Variants in VAMP7 observed in about 807,000 individuals in gnomAD.
The protein encoded by VAMP7 is vesicle-associated membrane protein 7.
A neutral mutation model predicts 29.6 loss-of-function variants in VAMP7; 14 were observed. The ratio of observed to expected loss-of-function variants is 0.47; its 90% CI spans 0.31 to 0.74. The LOEUF is 0.74. Ranked by LOEUF, VAMP7 falls within the 30% of genes least tolerant of loss-of-function variation. VAMP7 has a pLI of 0.05. For synonymous variants in VAMP7, 95 were observed against 88.1 expected (o/e 1.08, Z -0.44); for missense variants, 223 against 262.4 (o/e 0.85, Z 1.04).
chrX:155,933,153 T>G (rs1236197518), intron 6 of VAMP7, among the ~76,000 whole-genome samples: 1 of 152,144 alleles, frequency 6.6e-6, no homozygotes, highest in Non-Finnish European at 1.5e-5. Context: ...GGGATATTGG[T>G]CTAAAATTCT....
intron 3 of VAMP7, among the ~76,000 whole-genome samples, chrX:155,896,707 T>C (rs1295764339): frequency 6.6e-6 from 1 of 152,124 alleles, no homozygotes; most frequent in Non-Finnish European, 1.5e-5. Context: ...CTCCCCCTGC[T>C]TTCAAAGTGA....
rs775701374 is a variant in VAMP7 at position 155,922,849 on chromosome X, C to T, written c.501+2969C>T. Among the ~76,000 whole-genome samples the T allele has an allele frequency of 3.4e-4, 52 of 152,118 alleles. 1 individual carries two copies. Among genetic ancestry groups the T allele is most frequent in the Non-Finnish European group, 7.2e-4 (49 of 67,908 alleles). ...CGTTGGAAAATTTAAAATCTGCCAT[C>T]TTGCTGTTTGTTTCCTATTTATACC... On this transcript the variant is annotated intron_variant, in intron 6 of 7. Transcript: ENST00000286448.
Position 155,942,429 on chromosome X carries a change from G to T in VAMP7, c.*478G>T. ...AAATGGATAATAGTTGTTATTTGGGGAATTGTAATGATGTTGGTGCTGCTT... is the reference window on the plus strand; with the variant it reads ...AAATGGATAATAGTTGTTATTTGGGTAATTGTAATGATGTTGGTGCTGCTT... On this transcript the variant is annotated 3_prime_UTR_variant, in exon 8 of 8. Coordinates refer to ENST00000286448, the MANE Select transcript of VAMP7 (RefSeq NM_005638.6). The T allele has an allele frequency of 2.6e-6, 1 of 381,466 alleles. No individual in the cohort carries two copies. The highest frequency in any genetic ancestry group is 5.0e-5 in the South Asian group (1 of 19,984). The allele number at this position is 381,466 out of a possible 1,614,324, so 23.6% of individuals were successfully genotyped here.
At chrX:155,938,167 T>A (rs890283537) in intron 6 of VAMP7, among the ~76,000 whole-genome samples, 1 of 152,206 alleles carries the variant, frequency 6.6e-6, no homozygotes, top group South Asian at 2.1e-4. Context: ...ATATTAACTT[T>A]GTTCCATTAA....
At chrX:155,927,602 T>C in intron 6 of VAMP7, among the ~76,000 whole-genome samples, 1 of 151,754 alleles carries the variant, frequency 6.6e-6, no homozygotes, top group East Asian at 1.9e-4. Flanking sequence ...TCTGTTTCAG[T>C]GTACGATTTT....
chrX:155,905,836 A>G (rs1006011856), intron 5 of VAMP7, among the ~76,000 whole-genome samples: 3 of 152,154 alleles, frequency 2.0e-5, no homozygotes, highest in Non-Finnish European at 2.9e-5. Context: ...TCATCTTCCA[A>G]CTTTATTCTT....
chrX:155,924,651 T>C (rs1476622848), intron 6 of VAMP7, among the ~76,000 whole-genome samples: 1 of 152,226 alleles, frequency 6.6e-6, no homozygotes, highest in Non-Finnish European at 1.5e-5. Context: ...ATCTTTTTGC[T>C]GGTGGAGGGT....
At chrX:155,892,995 C>T (rs1023455081) in intron 2 of VAMP7, among the ~76,000 whole-genome samples, 10 of 151,818 alleles carry the variant, frequency 6.6e-5, no homozygotes, top group Non-Finnish European at 1.3e-4. Context: ...TCAGGCAATC[C>T]GCCCGCCTCG....
intron 6 of VAMP7, among the ~76,000 whole-genome samples, chrX:155,924,703 G>C (rs908061038): frequency 6.6e-6 from 1 of 152,178 alleles, no homozygotes; most frequent in Non-Finnish European, 1.5e-5. Flanking sequence ...CGATCAGGCT[G>C]GTGGTTGCTG....
chrX:155,935,400 T>A (rs982392218), intron 6 of VAMP7, among the ~76,000 whole-genome samples: 2 of 152,130 alleles, frequency 1.3e-5, no homozygotes, highest in Admixed American at 1.3e-4. Flanking sequence ...TTTTCGTTTC[T>A]TTTTATTCTT....
chrX:155,942,192 A>C lies in VAMP7; in HGVS notation c.*241A>C. On this transcript the variant is annotated 3_prime_UTR_variant, in exon 8 of 8. Coordinates refer to ENST00000286448, the MANE Select transcript of VAMP7 (RefSeq NM_005638.6). ...AGTAGCCTTAAAAAGGCTTTTGTTTATTTCTTTGGTTTGTTAACTAGTGTC... is the reference window on the plus strand; with the variant it reads ...AGTAGCCTTAAAAAGGCTTTTGTTTCTTTCTTTGGTTTGTTAACTAGTGTC... 1 of 1,529,396 alleles carries C rather than the reference A, an allele frequency of 6.5e-7. No individual in the cohort carries two copies. The highest frequency in any genetic ancestry group is 8.8e-7 in the Non-Finnish European group (1 of 1,137,456). The allele number at this position is 1,529,396 out of a possible 1,614,324, so 94.7% of individuals were successfully genotyped here. A position where few individuals can be genotyped will look rare whatever the true frequency, so the allele number is the denominator to read the frequency against.
rs1186745220 is a variant in VAMP7 at position 155,941,952 on chromosome X, G to C, written c.*1G>C. On this transcript the variant is annotated 3_prime_UTR_variant, in exon 8 of 8. Coordinates refer to ENST00000286448, the MANE Select transcript of VAMP7 (RefSeq NM_005638.6). ...ATGGCCAAGCTGTGTGAAGAAATAG[G>C]AAAGAAGAAGTTACCATTAACCAAG... The C allele has an allele frequency of 2.5e-6, 4 of 1,613,728 alleles. No homozygotes were observed. The highest frequency in any genetic ancestry group is 3.4e-6 in the Non-Finnish European group (4 of 1,179,818).
rs1444880725 is a variant in VAMP7 at position 155,943,192 on chromosome X, G to A, written c.*1241G>A. 4 of 149,206 alleles carry A rather than the reference G, an allele frequency of 2.7e-5. No individual in the cohort carries two copies. The highest frequency in any genetic ancestry group is 1.4e-4 in the Admixed American group (2 of 14,758). The allele number at this position is 149,206 out of a possible 1,614,324, so 9.2% of individuals were successfully genotyped here. Reference sequence around the variant, plus strand: ...GACATTTTCTACCCTAGATCCAATTGCATTTATTTATCAATAAGTGCCATT... The same window carrying A: ...GACATTTTCTACCCTAGATCCAATTACATTTATTTATCAATAAGTGCCATT... On this transcript the variant is annotated 3_prime_UTR_variant, in exon 8 of 8. Transcript: ENST00000286448.
At chrX:155,915,925 AT>A (rs1294562326) in intron 5 of VAMP7, among the ~76,000 whole-genome samples, 2 of 151,830 alleles carry the variant, frequency 1.3e-5, no homozygotes, top group Non-Finnish European at 2.9e-5. Flanking sequence ...CCTTGTTAAT[AT>A]TCTGTCTCAA....
chrX:155,885,300 G>A (rs2065852044), intron 1 of VAMP7, among the ~76,000 whole-genome samples: 1 of 152,154 alleles, frequency 6.6e-6, no homozygotes, highest in Non-Finnish European at 1.5e-5. Context: ...CCTCCAATAT[G>A]AGCAAGGAAA....
At chrX:155,932,840 G>A (rs190811134) in intron 6 of VAMP7, among the ~76,000 whole-genome samples, 2 of 152,086 alleles carry the variant, frequency 1.3e-5, no homozygotes, top group East Asian at 1.9e-4. Flanking sequence ...ATTGGCTGTG[G>A]GTTTGTCATA....
chrX:155,931,751 T>C (rs1442309461), intron 6 of VAMP7, among the ~76,000 whole-genome samples: 1 of 152,116 alleles, frequency 6.6e-6, no homozygotes, highest in Non-Finnish European at 1.5e-5. Flanking sequence ...GTTTCCATTG[T>C]TTTTGGTGTT....
At chrX:155,923,096 T>C (rs1162277813) in intron 6 of VAMP7, among the ~76,000 whole-genome samples, 1 of 152,026 alleles carries the variant, frequency 6.6e-6, no homozygotes, top group Non-Finnish European at 1.5e-5. Context: ...TCTAGCTGTT[T>C]CTTCTTGGCC....
intron 5 of VAMP7, among the ~76,000 whole-genome samples, chrX:155,913,670 A>G (rs765137533): frequency 6.6e-6 from 1 of 152,260 alleles, no homozygotes; most frequent in South Asian, 2.1e-4. Flanking sequence ...TTTGTCAAAG[A>G]TCAGATGGTT....
Sources: gnomAD v4.1 joint callset for allele counts (sites outside exome capture counted in the v4.1 genomes callset) on GRCh38, gnomAD v4.1.1 for gene constraint, MANE v1.5 for transcripts, NCBI Gene and HGNC (gene_info 2026-07-23, HGNC 2026-07-21) for gene names.